LGR6: variants seen among roughly 807,000 people sequenced by gnomAD.
LGR6 encodes the protein leucine rich repeat containing G protein-coupled receptor 6, also known as leucine-rich repeat-containing G protein-coupled receptor 6.
LGR6 carries 45 observed loss-of-function variants against 69.4 expected under a neutral mutation model. The ratio of observed to expected loss-of-function variants is 0.65; its 90% confidence interval spans 0.51 to 0.83. LGR6 has a LOEUF of 0.83. Among genes scored for constraint, LGR6 ranks in the 40% least tolerant of loss-of-function variants. The pLI, the probability that LGR6 is intolerant of heterozygous loss-of-function variation, is 0.00. For synonymous variants in LGR6, 538 were observed against 555.0 expected (o/e 0.97, Z 0.43); for missense variants, 1,108 against 1,246.7 (o/e 0.89, Z 1.68).
chr1:202,249,205 G>A (rs1403274255), intron 4 of LGR6, among the ~76,000 whole-genome samples: 1 of 152,124 alleles, frequency 6.6e-6, no homozygotes, highest in Non-Finnish European at 1.5e-5. Context: ...TTCTGATAAG[G>A]TGCTTTCCAG....
intron 1 of LGR6, among the ~76,000 whole-genome samples, chr1:202,214,486 G>T (rs1249954947): frequency 1.3e-5 from 2 of 151,920 alleles, no homozygotes; most frequent in Non-Finnish European, 2.9e-5. Flanking sequence ...GCGCGCGCGC[G>T]AGGCTGGTCC....
intron 4 of LGR6, among the ~76,000 whole-genome samples, chr1:202,249,254 G>A (rs1663019246): frequency 6.6e-6 from 1 of 152,178 alleles, no homozygotes; most frequent in Non-Finnish European, 1.5e-5. Context: ...ATGTGATAAT[G>A]TTGCCTCCTC....
chr1:202,242,787 C>A (rs1662320954), intron 4 of LGR6, among the ~76,000 whole-genome samples: 1 of 152,126 alleles, frequency 6.6e-6, no homozygotes, highest in Non-Finnish European at 1.5e-5. Flanking sequence ...AAGCAAGGGA[C>A]CTCTGGACAA....
intron 1 of LGR6, among the ~76,000 whole-genome samples, chr1:202,218,645 C>T (rs1043037381): frequency 2.6e-5 from 4 of 152,134 alleles, no homozygotes; most frequent in African/African-American, 9.7e-5. Context: ...ACAATGCCAA[C>T]GGAGCCCCCA....
At chr1:202,294,009 C>T (rs1256282381) in intron 6 of LGR6, among the ~76,000 whole-genome samples, 1 of 152,186 alleles carries the variant, frequency 6.6e-6, no homozygotes, top group Non-Finnish European at 1.5e-5. Context: ...GAAACCATCC[C>T]ATGGTCTCTG....
intron 7 of LGR6, among the ~76,000 whole-genome samples, chr1:202,298,429 A>C (rs1226108160): frequency 6.6e-6 from 1 of 152,140 alleles, no homozygotes; most frequent in Admixed American, 6.5e-5. Flanking sequence ...GCTCTCAGGA[A>C]ACAATAAGAG....
At chr1:202,282,115 C>T (rs1307014549) in intron 6 of LGR6, among the ~76,000 whole-genome samples, 1 of 152,208 alleles carries the variant, frequency 6.6e-6, no homozygotes, top group Non-Finnish European at 1.5e-5. Context: ...CATGCTCACC[C>T]TCCGGAAGAC....
At chr1:202,302,639 T>C (rs705759) in intron 9 of LGR6, among the ~76,000 whole-genome samples, 90,034 of 151,832 alleles carry the variant, frequency 0.59, 27,314 homozygotes, top group East Asian at 0.75. Flanking sequence ...CTCCGCCTCC[T>C]GGGTTCAAGC....
intron 6 of LGR6, among the ~76,000 whole-genome samples, chr1:202,297,056 A>G (rs181722069): frequency 1.2e-3 from 185 of 152,236 alleles, no homozygotes; most frequent in African/African-American, 4.3e-3. Flanking sequence ...AACACTCCCC[A>G]TTTCTATAGA....
At chr1:202,222,942 A>G (rs915619875) in intron 1 of LGR6, among the ~76,000 whole-genome samples, 28 of 152,128 alleles carry the variant, frequency 1.8e-4, no homozygotes, top group African/African-American at 6.8e-4. Flanking sequence ...TTTCTACTAA[A>G]AATACAAAAA....
chr1:202,304,429 TCTCC>T (rs1298485697), intron 10 of LGR6, 126 bp from the exon 11 acceptor site: 11 of 533,928 alleles, frequency 2.1e-5, no homozygotes, highest in African/African-American at 1.5e-4. Context: ...CTGCCCTGTC[TCTCC>T]CTCCATTTCT....
chr1:202,259,884 A>G (rs1188877060), intron 4 of LGR6, among the ~76,000 whole-genome samples: 1 of 152,178 alleles, frequency 6.6e-6, no homozygotes, highest in East Asian at 1.9e-4. Flanking sequence ...CATAAGGCTC[A>G]CAGAATGTGC....
chr1:202,204,135 A>T (rs1184748597), intron 1 of LGR6, among the ~76,000 whole-genome samples: 1 of 151,894 alleles, frequency 6.6e-6, no homozygotes, highest in Admixed American at 6.6e-5. Context: ...CTCCTCCTTC[A>T]GTCTGGGAGC....
chr1:202,244,728 C>T (rs1462712118), intron 4 of LGR6, among the ~76,000 whole-genome samples: 1 of 152,208 alleles, frequency 6.6e-6, no homozygotes, highest in African/African-American at 2.4e-5. Context: ...GTCCCATTTA[C>T]AGGTTCTGGA....
chr1:202,272,392 C>G (rs1292820672), intron 4 of LGR6, among the ~76,000 whole-genome samples: 1 of 152,186 alleles, frequency 6.6e-6, no homozygotes, highest in African/African-American at 2.4e-5. Context: ...CTCATTCCAC[C>G]TTCTTCATTT....
At chr1:202,262,422 G>A (rs1336314875) in intron 4 of LGR6, among the ~76,000 whole-genome samples, 1 of 151,912 alleles carries the variant, frequency 6.6e-6, no homozygotes, top group Non-Finnish European at 1.5e-5. Flanking sequence ...TATTTCTGAG[G>A]GCTCTGTTCT....
chr1:202,199,684 G>A (rs973896985), intron 1 of LGR6, among the ~76,000 whole-genome samples: 1 of 151,984 alleles, frequency 6.6e-6, no homozygotes, highest in Non-Finnish European at 1.5e-5. Flanking sequence ...AGACACACAG[G>A]GCACAGAAGG....
intron 1 of LGR6, chr1:202,197,406 C>T: frequency 1.9e-6 from 1 of 533,428 alleles, no homozygotes; most frequent in South Asian, 1.4e-5. Flanking sequence ...CACAATCCTC[C>T]ATATGTCTCT....
intron 12 of LGR6, 30 bp downstream of exon 12, chr1:202,305,779 C>G (rs1653121806): frequency 1.3e-6 from 2 of 1,595,684 alleles, no homozygotes; most frequent in African/African-American, 1.3e-5. Context: ...GAGGCAAAAG[C>G]ACGCCAGCCA....
Sources: allele counts gnomAD v4.1 joint callset (sites outside exome capture counted in the v4.1 genomes callset), GRCh38; gene constraint gnomAD v4.1.1; transcripts MANE v1.5; gene names NCBI Gene and HGNC (gene_info 2026-07-23, HGNC 2026-07-21).